The following EFNA5 variants were observed in gnomAD, a reference collection of about 807,000 sequenced individuals.
EFNA5 encodes ephrin-A5.
In EFNA5, 5 loss-of-function variants were observed where a neutral mutation model predicts 22.9. That is an observed-to-expected ratio of 0.22 (90% CI 0.11 to 0.46). The LOEUF (loss-of-function observed/expected upper bound fraction) is 0.46. EFNA5 is among the 20% of genes least tolerant of loss of function. The probability of loss-of-function intolerance (pLI) is 0.99; values close to 1 mark genes in which losing one functional copy is unlikely to be tolerated. For missense variants in EFNA5, 237 were observed against 293.3 expected, an observed-to-expected ratio of 0.81 and a Z score of 1.40; for synonymous variants, 113 against 112.2, an observed-to-expected ratio of 1.01 and a Z score of -0.04.
chr5:107,669,422 A>C (rs1751139305), intron 1 of EFNA5, among the ~76,000 whole-genome samples: 1 of 151,836 alleles, frequency 6.6e-6, no homozygotes, highest in Non-Finnish European at 1.5e-5. Context: ...GTCCCAGAGA[A>C]AGCAGTGCGG....
intron 1 of EFNA5, among the ~76,000 whole-genome samples, chr5:107,648,846 G>GA (rs1561459694): frequency 1.3e-5 from 2 of 152,134 alleles, no homozygotes; most frequent in South Asian, 4.2e-4. Context: ...AAGTAAAAAA[G>GA]AAAACTTCTG....
chr5:107,621,685 T>A (rs1358200101), intron 1 of EFNA5, among the ~76,000 whole-genome samples: 1 of 152,046 alleles, frequency 6.6e-6, no homozygotes, highest in African/African-American at 2.4e-5. Context: ...CACAGGTTTA[T>A]TATGAGGATT....
chr5:107,645,262 T>C (rs909348842), intron 1 of EFNA5, among the ~76,000 whole-genome samples: 2 of 152,330 alleles, frequency 1.3e-5, no homozygotes, highest in East Asian at 1.9e-4. Flanking sequence ...TAAAGATCAG[T>C]AAATCTGCCT....
intron 1 of EFNA5, among the ~76,000 whole-genome samples, chr5:107,601,583 T>C (rs778714304): frequency 1.3e-5 from 2 of 152,212 alleles, no homozygotes; most frequent in Non-Finnish European, 2.9e-5. Context: ...GTAATGACCA[T>C]CTTTTTAAAG....
At chr5:107,632,340 T>A (rs528228997) in intron 1 of EFNA5, among the ~76,000 whole-genome samples, 4 of 152,314 alleles carry the variant, frequency 2.6e-5, no homozygotes, top group African/African-American at 9.6e-5. Context: ...AAAACTCTGA[T>A]ATACTTATAA....
chr5:107,531,333 G>A (rs181864492), intron 1 of EFNA5, among the ~76,000 whole-genome samples: 19 of 152,142 alleles, frequency 1.2e-4, no homozygotes, highest in South Asian at 2.1e-4. Flanking sequence ...GCCAGACCAC[G>A]TACTTACTGC....
chr5:107,660,285 T>C (rs868652858), intron 1 of EFNA5, among the ~76,000 whole-genome samples: 1 of 98,362 alleles, frequency 1.0e-5, no homozygotes, highest in African/African-American at 4.3e-5. Flanking sequence ...TATATATATA[T>C]ATATATATAT....
intron 1 of EFNA5, among the ~76,000 whole-genome samples, chr5:107,644,948 A>G (rs1247970512): frequency 6.6e-6 from 1 of 152,040 alleles, no homozygotes; most frequent in Admixed American, 6.6e-5. Context: ...TGATCTGCCC[A>G]CCTCAGCCTC....
intron 1 of EFNA5, among the ~76,000 whole-genome samples, chr5:107,517,327 G>C (rs894048886): frequency 1.3e-5 from 2 of 152,158 alleles, no homozygotes; most frequent in Non-Finnish European, 2.9e-5. Context: ...ACTCAGGAGA[G>C]GGTTACAGGT....
chr5:107,500,102 C>G (rs1747097349), intron 1 of EFNA5, among the ~76,000 whole-genome samples: 1 of 152,180 alleles, frequency 6.6e-6, no homozygotes, highest in South Asian at 2.1e-4. Flanking sequence ...ATTCCCCTCT[C>G]TTTTTATTCA....
chr5:107,571,400 T>C (rs1748800922), intron 1 of EFNA5, among the ~76,000 whole-genome samples: 1 of 152,134 alleles, frequency 6.6e-6, no homozygotes, highest in Admixed American at 6.5e-5. Flanking sequence ...GATGGCTCGC[T>C]GTCGGGGAAA....
chr5:107,564,140 A>G (rs1448365009), intron 1 of EFNA5, among the ~76,000 whole-genome samples: 2 of 151,926 alleles, frequency 1.3e-5, no homozygotes, highest in African/African-American at 4.8e-5. Flanking sequence ...GGGGAGGGAC[A>G]CTCTGCAGGC....
At chr5:107,641,644 A>G (rs1289723450) in intron 1 of EFNA5, among the ~76,000 whole-genome samples, 1 of 152,196 alleles carries the variant, frequency 6.6e-6, no homozygotes, top group African/African-American at 2.4e-5. Context: ...TATTTGATGC[A>G]ATACATTCTA....
chr5:107,478,694 T>A (rs1750374721), intron 1 of EFNA5, among the ~76,000 whole-genome samples: 1 of 152,312 alleles, frequency 6.6e-6, no homozygotes, highest in Admixed American at 6.5e-5. Flanking sequence ...TGGAGCTCAT[T>A]GGTCTTAATA....
At chr5:107,602,062 G>C (rs1026296420) in intron 1 of EFNA5, among the ~76,000 whole-genome samples, 19 of 152,142 alleles carry the variant, frequency 1.2e-4, no homozygotes, top group Admixed American at 1.2e-3. Flanking sequence ...GGTGAATCTC[G>C]GGAAAGAGAC....
At chr5:107,553,086 A>T (rs556489791) in intron 1 of EFNA5, among the ~76,000 whole-genome samples, 2 of 152,238 alleles carry the variant, frequency 1.3e-5, no homozygotes, top group Non-Finnish European at 2.9e-5. Flanking sequence ...TCCTAACCAC[A>T]AGGCAATACA....
intron 1 of EFNA5, among the ~76,000 whole-genome samples, chr5:107,447,861 C>A (rs561802357): frequency 2.6e-5 from 4 of 151,820 alleles, no homozygotes; most frequent in African/African-American, 4.8e-5. Context: ...TTATTTCCCC[C>A]CTCTGAGATG....
chr5:107,588,079 A>C (rs1375090249), intron 1 of EFNA5, among the ~76,000 whole-genome samples: 2 of 151,584 alleles, frequency 1.3e-5, no homozygotes, highest in Non-Finnish European at 2.9e-5. Context: ...ACTCCCAATG[A>C]CTCTCTCCCT....
chr5:107,541,645 G>C (rs1180760321), intron 1 of EFNA5, among the ~76,000 whole-genome samples: 1 of 152,204 alleles, frequency 6.6e-6, no homozygotes, highest in African/African-American at 2.4e-5. Context: ...ACAAATCCCA[G>C]ATTGGGACAG....
Sources: allele counts gnomAD v4.1 joint callset (sites outside exome capture counted in the v4.1 genomes callset), GRCh38; gene constraint gnomAD v4.1.1; transcripts MANE v1.5; gene names NCBI Gene and HGNC (gene_info 2026-07-23, HGNC 2026-07-21).